JAKMIP3: variants seen among roughly 807,000 people sequenced by gnomAD.
JAKMIP3 encodes Janus kinase and microtubule interacting protein 3, also known as janus kinase and microtubule-interacting protein 3.
A neutral mutation model predicts 118.5 loss-of-function variants in JAKMIP3; 58 were observed. The ratio of observed to expected loss-of-function variants is 0.49; its 90% CI spans 0.40 to 0.61. The LOEUF (loss-of-function observed/expected upper bound fraction) is 0.61. JAKMIP3 is among the 20% of genes least tolerant of loss of function. The probability of loss-of-function intolerance (pLI) is 0.00; values close to 1 mark genes in which losing one functional copy is unlikely to be tolerated. For missense variants in JAKMIP3, 950 were observed against 1,109.0 expected (o/e 0.86, Z 2.04); for synonymous variants, 486 against 451.2 (o/e 1.08, Z -0.98).
rs571893711 is a variant in JAKMIP3 at position 132,140,549 on chromosome 10, C to G, written c.1443C>G (p.Thr481=). ...ACCAAACAGACAGGACGGACCAGAC[C>G]CCGTGCACCCCGGACGATGACTTGG... ...VSYQTDRTDQ[T]PCTPDDDLEE... is the part of the protein sequence containing the mutation. Residue 481 remains threonine (T), a synonymous_variant, in exon 10 of 24, where the codon ACC becomes ACG. Coordinates refer to ENST00000684848, the MANE Select transcript of JAKMIP3 (RefSeq NM_001323087.2). 6.2e-6 allele frequency: 10 copies of G among 1,610,494 alleles called. No individual in the cohort carries two copies. The highest frequency in any genetic ancestry group is 5.4e-5 in the African/African-American group (4 of 74,008).
intron 1 of JAKMIP3, among the ~76,000 whole-genome samples, chr10:132,071,859 T>TTTCCTTTCTTTCTTTCCTTTCTTTCC: frequency 7.2e-6 from 1 of 138,362 alleles, no homozygotes; most frequent in South Asian, 2.4e-4. Context: ...CTTTCCTTTC[T>TTTCCTTTCTTTCTTTCCTTTCTTTCC]TTCCTTTCTT....
intron 6 of JAKMIP3, 37 bp downstream of exon 6, chr10:132,136,113 AC>A (rs1390697826): frequency 9.3e-6 from 15 of 1,605,658 alleles, no homozygotes; most frequent in Middle Eastern, 1.7e-4. Context: ...CCACGGTCGC[AC>A]CCGAGCTCCA....
chr10:132,142,152 G>GCCCCTCCTCTCCTGC (rs2053649918), intron 11 of JAKMIP3, 104 bp downstream of exon 11: 1 of 1,285,720 alleles, frequency 7.8e-7, no homozygotes. Context: ...CTGGGCCCGG[G>GCCCCTCCTCTCCTGC]CCCCTCCTCT....
chr10:132,071,844 TCTTTCTTTC>T (rs1360102780), intron 1 of JAKMIP3, among the ~76,000 whole-genome samples: 8 of 143,198 alleles, frequency 5.6e-5, no homozygotes, highest in Non-Finnish European at 7.6e-5. Context: ...CCCTTTCCTT[TCTTTCTTTC>T]CTTTCTTTCC....
chr10:132,163,475 G>A, intron 20 of JAKMIP3, 63 bp downstream of exon 20: 1 of 1,458,794 alleles, frequency 6.9e-7, no homozygotes, highest in South Asian at 1.3e-5. Flanking sequence ...CAGAGCCAGG[G>A]GGGGTCCTCC....
chr10:132,078,290 C>T (rs368122809), intron 1 of JAKMIP3, among the ~76,000 whole-genome samples: 1 of 152,136 alleles, frequency 6.6e-6, no homozygotes, highest in South Asian at 2.1e-4. Context: ...TCTAGCCTCT[C>T]AGTTGCATCA....
chr10:132,132,463 G>T (rs2050825686), intron 3 of JAKMIP3, among the ~76,000 whole-genome samples: 1 of 152,192 alleles, frequency 6.6e-6, no homozygotes, highest in African/African-American at 2.4e-5. Flanking sequence ...CCCGGAAGCG[G>T]GGCGGGGTAC....
Position 132,085,503 on chromosome 10 carries a change from C to CTT in JAKMIP3, c.-137-19157_-137-19156dup, listed in dbSNP as rs529358675. ...CTAATGGTCTATCAATTTTCTCTCT[C>CTT]TTTTTTTTTTTTTGTGAGAGGAAGT... On this transcript the variant is annotated intron_variant, in intron 1 of 23. Coordinates refer to ENST00000684848, the MANE Select transcript of JAKMIP3 (RefSeq NM_001323087.2). Among the ~76,000 whole-genome samples, 943 of 144,416 alleles carry CTT rather than the reference C, an allele frequency of 6.5e-3. 6 individuals are homozygous for CTT. Among genetic ancestry groups the CTT allele is most frequent in the Non-Finnish European group, 9.4e-3 (620 of 65,860 alleles). 94.7% of individuals were successfully genotyped at this position (144,416 alleles called of 152,430 possible).
intron 1 of JAKMIP3, among the ~76,000 whole-genome samples, chr10:132,097,962 T>TCCCCC (rs1564893034): frequency 4.0e-5 from 1 of 24,940 alleles, no homozygotes; most frequent in South Asian, 2.3e-3. Context: ...CCCCTTTCCC[T>TCCCCC]TTCCTTCCTT....
chr10:132,150,435 G>C (rs1017743020), intron 16 of JAKMIP3, among the ~76,000 whole-genome samples: 2 of 152,324 alleles, frequency 1.3e-5, no homozygotes, highest in African/African-American at 4.8e-5. Flanking sequence ...ATTTGGGGCA[G>C]AGTTCCAATT....
At chr10:132,155,859 C>G (rs2057026957) in intron 19 of JAKMIP3, among the ~76,000 whole-genome samples, 1 of 152,204 alleles carries the variant, frequency 6.6e-6, no homozygotes, top group African/African-American at 2.4e-5. Flanking sequence ...CCCGGGTGAG[C>G]TGGCCCCAGT....
intron 1 of JAKMIP3, among the ~76,000 whole-genome samples, chr10:132,091,575 T>A (rs2043093720): frequency 6.6e-6 from 1 of 152,220 alleles, no homozygotes; most frequent in Admixed American, 6.5e-5. Context: ...GTCTGTTTTA[T>A]CAGAGACTAG....
chr10:132,063,699 C>G (rs2038488960), upstream of JAKMIP3, among the ~76,000 whole-genome samples: 1 of 152,184 alleles, frequency 6.6e-6, no homozygotes, highest in Non-Finnish European at 1.5e-5. Flanking sequence ...CTGCAGGAAT[C>G]AAAAGCACAT....
At chr10:132,102,694 C>T (rs563252095) in intron 1 of JAKMIP3, among the ~76,000 whole-genome samples, 3 of 152,324 alleles carry the variant, frequency 2.0e-5, no homozygotes, top group South Asian at 2.1e-4. Flanking sequence ...TTCACTCACC[C>T]GTGGAAGTCT....
At chr10:132,159,293 GGGGCGCCTCTCCCTGTGTGATGCTGA>G (rs1448004927) in intron 19 of JAKMIP3, among the ~76,000 whole-genome samples, 130 of 141,026 alleles carry the variant, frequency 9.2e-4, no homozygotes, top group African/African-American at 2.9e-3. Context: ...TGTGATGCTG[GGGGCGCCTCTCCCTGTGTGATGCTGA>G]GGGCGCCTCT....
At position 132,183,731 on chromosome 10, in the gene JAKMIP3, C is replaced by T. The variant is rs759300032; in HGVS notation, c.*2478C>T. 2 of 152,150 alleles carry T rather than the reference C, an allele frequency of 1.3e-5. No individual in the cohort carries two copies. Among genetic ancestry groups the T allele is most frequent in the Admixed American group, 6.5e-5 (1 of 15,274 alleles). The allele number at this position is 152,150 out of a possible 1,614,324, so 9.4% of individuals were successfully genotyped here. On this transcript the variant is annotated 3_prime_UTR_variant, in exon 24 of 24. Transcript: ENST00000684848. Reference sequence around the variant, plus strand: ...CTCCTTAGATATCATTGTTTTCACTCGTCTATCATAGGCACCTTCTTTACA... The same window carrying T: ...CTCCTTAGATATCATTGTTTTCACTTGTCTATCATAGGCACCTTCTTTACA...
intron 21 of JAKMIP3, among the ~76,000 whole-genome samples, chr10:132,166,210 C>G (rs988293607): frequency 3.5e-4 from 54 of 152,166 alleles, no homozygotes; most frequent in African/African-American, 1.3e-3. Context: ...CCTATAATCT[C>G]CGTTACTCAG....
chr10:132,173,550 C>G (rs2059833228), intron 23 of JAKMIP3, among the ~76,000 whole-genome samples: 1 of 152,130 alleles, frequency 6.6e-6, no homozygotes, highest in Admixed American at 6.5e-5. Flanking sequence ...CTCTTCTTAC[C>G]CACCCTCCCT....
chr10:132,121,543 G>A (rs1035509566), intron 3 of JAKMIP3, among the ~76,000 whole-genome samples: 4 of 152,298 alleles, frequency 2.6e-5, no homozygotes, highest in Non-Finnish European at 5.9e-5. Flanking sequence ...TGCAGGGAGC[G>A]CCAGCCTCTG....
Sources: allele counts gnomAD v4.1 joint callset (sites outside exome capture counted in the v4.1 genomes callset), GRCh38; gene constraint gnomAD v4.1.1; transcripts MANE v1.5; gene names NCBI Gene and HGNC (gene_info 2026-07-23, HGNC 2026-07-21).